SLC14A2: variants seen among roughly 807,000 people sequenced by gnomAD.
SLC14A2 encodes urea transporter 2.
Under a neutral mutation model 104.6 loss-of-function variants are expected in SLC14A2, and 91 were observed. That is an observed-to-expected ratio of 0.87 (90% CI 0.73 to 1.04). The LOEUF (loss-of-function observed/expected upper bound fraction) is 1.04. Among genes scored for constraint, SLC14A2 ranks in the 50% least tolerant of loss-of-function variants. SLC14A2 has a pLI of 0.00. For synonymous variants in SLC14A2, 476 were observed against 466.4 expected, an observed-to-expected ratio of 1.02 and a Z score of -0.27; for missense variants, 1,189 against 1,156.0, an observed-to-expected ratio of 1.03 and a Z score of -0.41.
chr18:45,520,225 T>C (rs1403905433), intron 2 of SLC14A2, among the ~76,000 whole-genome samples: 1 of 152,200 alleles, frequency 6.6e-6, no homozygotes, highest in Admixed American at 6.5e-5. Context: ...AATCAAGATG[T>C]GGTTTTTGCA....
At chr18:45,610,988 G>A (rs990256273), upstream of SLC14A2, among the ~76,000 whole-genome samples, 19 of 152,298 alleles carry the variant, frequency 1.2e-4, no homozygotes, top group African/African-American at 4.6e-4. Context: ...AACACATTTT[G>A]CCAGGATGAG....
At chr18:45,342,804 T>G (rs1369315516) in intron 1 of SLC14A2, among the ~76,000 whole-genome samples, 3 of 152,154 alleles carry the variant, frequency 2.0e-5, no homozygotes, top group Admixed American at 2.0e-4. Context: ...TCCATGACAA[T>G]GCAATCTAGT....
chr18:45,645,622 T>TATATATATATATATATATATATATAC (rs370081713), intron 10 of SLC14A2, among the ~76,000 whole-genome samples: 2 of 134,868 alleles, frequency 1.5e-5, no homozygotes, highest in South Asian at 5.0e-4. Context: ...AATATATATA[T>TATATATATATATATATATATATATAC]ACATATACAA....
Position 45,644,000 on chromosome 18 carries a change from AG to A in SLC14A2, c.1193del (p.Gly398AlafsTer15). On this transcript the variant is annotated frameshift_variant, in exon 10 of 20. Coordinates refer to ENST00000255226, the MANE Select transcript of SLC14A2 (RefSeq NM_007163.4). LOFTEE classifies it high-confidence loss of function. ...NIMSVVGVPP[G>X]TWAFCLATII... Reference sequence around the variant, plus strand: ...TTTGTTTCCAGGTGGGCGTGCCACCAGGCACCTGGGCCTTCTGCCTTGCCAC... The same window carrying A: ...TTTGTTTCCAGGTGGGCGTGCCACCAGCACCTGGGCCTTCTGCCTTGCCAC... 3 of 1,614,014 alleles carry A rather than the reference AG, an allele frequency of 1.9e-6. No individual in the cohort carries two copies. Among genetic ancestry groups the A allele is most frequent in the Non-Finnish European group, 2.5e-6 (3 of 1,179,892 alleles).
rs73431986 is a variant in SLC14A2 at position 45,390,262 on chromosome 18, G to C, written c.-124-92971G>C. Among the ~76,000 whole-genome samples, 608 of 152,198 alleles carry C rather than the reference G, an allele frequency of 4.0e-3. 3 individuals are homozygous for C. The highest frequency in any genetic ancestry group is 0.014 in the African/African-American group (585 of 41,514). On this transcript the variant is annotated intron_variant, in intron 1 of 20. Transcript: ENST00000586448. ...ACCTTCATTTGTCCTGCTTCCTCTG[G>C]TCCTGAGCACCATCTTGTCACTGGG... is the stretch of plus-strand genomic sequence containing the variant.
At chr18:45,323,729 G>C (rs573028336) in intron 1 of SLC14A2, among the ~76,000 whole-genome samples, 214 of 152,252 alleles carry the variant, frequency 1.4e-3, no homozygotes, top group Admixed American at 2.2e-3. Context: ...TGTGCCACCC[G>C]ATTGAATTAA....
At chr18:45,623,656 T>TC (rs2045213150) in intron 1 of SLC14A2, among the ~76,000 whole-genome samples, 1 of 152,076 alleles carries the variant, frequency 6.6e-6, no homozygotes, top group Non-Finnish European at 1.5e-5. Flanking sequence ...TTGAAGGGAA[T>TC]CCTGCAATCC....
chr18:45,648,227 A>ATTTTTTTTTTTT (rs2045658412), intron 10 of SLC14A2, among the ~76,000 whole-genome samples: 2 of 88,988 alleles, frequency 2.2e-5, no homozygotes, highest in African/African-American at 5.1e-5. Flanking sequence ...TTTTTTTGAG[A>ATTTTTTTTTTTT]TGGAGTCTCA....
intron 1 of SLC14A2, among the ~76,000 whole-genome samples, chr18:45,224,563 A>T (rs1270139247): frequency 6.6e-6 from 1 of 152,158 alleles, no homozygotes; most frequent in Non-Finnish European, 1.5e-5. Context: ...GTCTTCAATG[A>T]GTGCTGCAGG....
At chr18:45,622,990 G>T (rs1199044340) in intron 1 of SLC14A2, among the ~76,000 whole-genome samples, 2 of 152,162 alleles carry the variant, frequency 1.3e-5, no homozygotes, top group Non-Finnish European at 2.9e-5. Flanking sequence ...TTAGGCATTT[G>T]GGTTTATCCC....
intron 2 of SLC14A2, among the ~76,000 whole-genome samples, chr18:45,565,426 G>T (rs115811421): frequency 6.6e-6 from 1 of 152,084 alleles, no homozygotes; most frequent in Non-Finnish European, 1.5e-5. Flanking sequence ...ACACCCAGCC[G>T]CATGCATGTG....
At chr18:45,421,198 T>C (rs1334352323) in intron 1 of SLC14A2, among the ~76,000 whole-genome samples, 1 of 152,110 alleles carries the variant, frequency 6.6e-6, no homozygotes, top group Non-Finnish European at 1.5e-5. Flanking sequence ...TGCAGAATTT[T>C]ATTATTTTTA....
chr18:45,383,612 C>T (rs990763131), intron 1 of SLC14A2, among the ~76,000 whole-genome samples: 2 of 152,152 alleles, frequency 1.3e-5, no homozygotes, highest in Admixed American at 1.3e-4. Flanking sequence ...CCCTTCCCTT[C>T]TCTACTTCTC....
chr18:45,282,490 C>T (rs906566817), intron 1 of SLC14A2, among the ~76,000 whole-genome samples: 18 of 152,134 alleles, frequency 1.2e-4, no homozygotes, highest in Admixed American at 9.8e-4. Context: ...GTGTGCTTGT[C>T]CTTACCTCTT....
intron 1 of SLC14A2, among the ~76,000 whole-genome samples, chr18:45,223,393 C>G (rs1051514829): frequency 2.6e-5 from 4 of 152,102 alleles, no homozygotes; most frequent in African/African-American, 4.8e-5. Context: ...GTGTGTGTGT[C>G]TCTGTGTGTG....
chr18:45,678,732 C>A (rs1236344162), intron 18 of SLC14A2, among the ~76,000 whole-genome samples: 3 of 152,186 alleles, frequency 2.0e-5, no homozygotes, highest in Non-Finnish European at 4.4e-5. Context: ...CCCAAGAGAA[C>A]CATAACAGCT....
At chr18:45,528,390 A>T (rs1379428907) in intron 2 of SLC14A2, 47 of 152,092 alleles carry the variant, frequency 3.1e-4, no homozygotes, top group Non-Finnish European at 2.9e-5. Context: ...ACTCACTGAC[A>T]TCCTGACATC....
intron 1 of SLC14A2, among the ~76,000 whole-genome samples, chr18:45,361,955 T>TG (rs1247001984): frequency 6.6e-6 from 1 of 152,248 alleles, no homozygotes; most frequent in Non-Finnish European, 1.5e-5. Context: ...GAATCACTGG[T>TG]GATATGGTTG....
At chr18:45,427,601 A>T (rs2086453039) in intron 1 of SLC14A2, among the ~76,000 whole-genome samples, 1 of 152,134 alleles carries the variant, frequency 6.6e-6, no homozygotes, top group Non-Finnish European at 1.5e-5. Context: ...TTCACTGATC[A>T]ATGTGTGACC....
Sources: gnomAD v4.1 joint callset for allele counts (sites outside exome capture counted in the v4.1 genomes callset) on GRCh38, gnomAD v4.1.1 for gene constraint, MANE v1.5 for transcripts, NCBI Gene and HGNC (gene_info 2026-07-23, HGNC 2026-07-21) for gene names.